The following SIRPG variants were observed in gnomAD, a reference collection of about 807,000 sequenced individuals.
SIRPG encodes the protein signal regulatory protein gamma, also known as signal-regulatory protein gamma.
SIRPG carries 38 observed loss-of-function variants against 35.7 expected under a neutral mutation model. The observed-to-expected ratio is 1.06, with a 90% CI of 0.82 to 1.40. The LOEUF (loss-of-function observed/expected upper bound fraction) is 1.40, where lower values mean the gene tolerates loss of function less well. Ranked by LOEUF, SIRPG falls within the 40% of genes most tolerant of loss-of-function variation. SIRPG has a pLI of 0.00. For synonymous variants in SIRPG, 215 were observed against 190.4 expected (o/e 1.13, Z -1.06); for missense variants, 519 against 483.0 (o/e 1.07, Z -0.70).
intron 1 of SIRPG, among the ~76,000 whole-genome samples, chr20:1,654,369 G>A (rs943436898): frequency 1.3e-5 from 2 of 152,138 alleles, no homozygotes; most frequent in African/African-American, 4.8e-5. Flanking sequence ...GATCAGAGCA[G>A]AGAGCCCAGC....
At chr20:1,655,735 A>G (rs1201072550) in intron 1 of SIRPG, among the ~76,000 whole-genome samples, 2 of 152,198 alleles carry the variant, frequency 1.3e-5, no homozygotes, top group Non-Finnish European at 1.5e-5. Flanking sequence ...AGTTCAAATT[A>G]GTCATTCCAC....
At chr20:1,677,591 A>T in the SIRPG span, among the ~76,000 whole-genome samples, 3 of 152,336 alleles carry the variant, frequency 2.0e-5, no homozygotes, top group African/African-American at 4.8e-5. Context: ...CACCCATAGC[A>T]TAAGTTTCCT....
chr20:1,654,076 G>A (rs1219359059), intron 1 of SIRPG, among the ~76,000 whole-genome samples: 2 of 151,686 alleles, frequency 1.3e-5, no homozygotes, highest in African/African-American at 4.8e-5. Context: ...TGTCTCTACT[G>A]AAAATACAAA....
At chr20:1,664,168 G>A in the SIRPG span, among the ~76,000 whole-genome samples, 2 of 152,214 alleles carry the variant, frequency 1.3e-5, no homozygotes, top group Admixed American at 6.5e-5. Flanking sequence ...ACGGCACCAA[G>A]TCATTCATGA....
chr20:1,668,207 C>CTTTTCTTTTCT, the SIRPG span, among the ~76,000 whole-genome samples: 1 of 29,010 alleles, frequency 3.4e-5, no homozygotes, highest in African/African-American at 1.0e-4. Flanking sequence ...TCTTTTCTTT[C>CTTTTCTTTTCT]TTTCTTTCTT....
intron 1 of SIRPG, among the ~76,000 whole-genome samples, chr20:1,654,534 A>G (rs2091963621): frequency 6.6e-6 from 1 of 152,220 alleles, no homozygotes; most frequent in Admixed American, 6.5e-5. Flanking sequence ...GCCTCATACA[A>G]AAATCAACTC....
upstream of SIRPG, among the ~76,000 whole-genome samples, chr20:1,658,120 T>C (rs1221711164): frequency 1.3e-5 from 2 of 152,198 alleles, no homozygotes; most frequent in African/African-American, 4.8e-5. Context: ...GGTTGGCTTG[T>C]GGTCTTGTTC....
the SIRPG span, among the ~76,000 whole-genome samples, chr20:1,683,117 C>T: frequency 3.3e-5 from 5 of 152,276 alleles, no homozygotes; most frequent in South Asian, 1.0e-3. Context: ...CAAAAGAAGA[C>T]ATTAAAATGG....
At chr20:1,647,431 C>A (rs570950123) in intron 2 of SIRPG, 1 of 152,324 alleles carries the variant, frequency 6.6e-6, no homozygotes, top group African/African-American at 2.4e-5. Context: ...CAGGGTAAAT[C>A]CACTTCCACA....
intron 1 of SIRPG, among the ~76,000 whole-genome samples, chr20:1,649,747 C>T (rs1457062511): frequency 6.7e-6 from 1 of 149,024 alleles, no homozygotes; most frequent in Admixed American, 6.7e-5. Context: ...AGTGATCCTC[C>T]TACCTCAGCC....
At chr20:1,645,494 C>T (rs2091891520) in intron 2 of SIRPG, among the ~76,000 whole-genome samples, 1 of 152,188 alleles carries the variant, frequency 6.6e-6, no homozygotes, top group Admixed American at 6.5e-5. Context: ...CCTATGTATC[C>T]TTGAGGCCTG....
At chr20:1,684,200 T>A in the SIRPG span, among the ~76,000 whole-genome samples, 1 of 152,208 alleles carries the variant, frequency 6.6e-6, no homozygotes, top group Non-Finnish European at 1.5e-5. Context: ...GATATACATG[T>A]AAGGTAATGC....
At chr20:1,662,166 T>C (rs183300053), upstream of SIRPG, among the ~76,000 whole-genome samples, 4 of 152,048 alleles carry the variant, frequency 2.6e-5, no homozygotes, top group East Asian at 1.9e-4. Flanking sequence ...AATTGAGGAG[T>C]TGGGCAGGGT....
intron 1 of SIRPG, 145 bp from the exon 2 acceptor site, chr20:1,649,553 T>G: frequency 1.4e-6 from 1 of 717,682 alleles, no homozygotes. Context: ...ATTATCTCAT[T>G]TAACCCTCAC....
chr20:1,639,494 T>C (rs1354741698), intron 2 of SIRPG, among the ~76,000 whole-genome samples: 1 of 152,228 alleles, frequency 6.6e-6, no homozygotes, highest in Non-Finnish European at 1.5e-5. Context: ...TGAATTTGTT[T>C]AAGTTCCTTG....
chr20:1,684,897 G>T, the SIRPG span, among the ~76,000 whole-genome samples: 2 of 152,192 alleles, frequency 1.3e-5, 1 homozygote, highest in Non-Finnish European at 2.9e-5. Flanking sequence ...AAATTACTAA[G>T]AACTGTGTCT....
chr20:1,660,519 T>C (rs2091993326), upstream of SIRPG, among the ~76,000 whole-genome samples: 3 of 152,234 alleles, frequency 2.0e-5, no homozygotes, highest in Admixed American at 2.0e-4. Context: ...CATAGTATAG[T>C]GTCAGGAAGA....
At chr20:1,674,528 G>A in the SIRPG span, among the ~76,000 whole-genome samples, 1 of 152,198 alleles carries the variant, frequency 6.6e-6, no homozygotes, top group Non-Finnish European at 1.5e-5. Flanking sequence ...ACAGAGCCAG[G>A]AAGTACCAGA....
At position 1,634,932 on chromosome 20, in the gene SIRPG, A is replaced by G. The variant is rs537927655; in HGVS notation, c.1081+335T>C. On this transcript the variant is annotated intron_variant, in intron 4 of 5. Coordinates refer to ENST00000303415, the MANE Select transcript of SIRPG (RefSeq NM_018556.4). ...GTGGCGGGCGCCTGTAGTCCCAGCT[A>G]CTCGGGAGGCTGAGACAGGAGAATG... 3.3e-5 allele frequency among the ~76,000 whole-genome samples: 5 copies of G among 151,266 alleles called. No homozygotes were observed. In the East Asian group the frequency reaches 6.0e-4, roughly 18 times the overall value.
Sources: gnomAD v4.1 joint callset for allele counts (sites outside exome capture counted in the v4.1 genomes callset) on GRCh38, gnomAD v4.1.1 for gene constraint, MANE v1.5 for transcripts, NCBI Gene and HGNC (gene_info 2026-07-23, HGNC 2026-07-21) for gene names.